Variants in PAPLN observed in about 807,000 individuals in gnomAD.
PAPLN encodes papilin.
PAPLN carries 146 observed loss-of-function variants against 159.0 expected under a neutral mutation model. That is an observed-to-expected ratio of 0.92 (90% CI 0.80 to 1.05). The LOEUF (loss-of-function observed/expected upper bound fraction) is 1.05. Ranked by LOEUF, PAPLN falls within the 50% of genes least tolerant of loss-of-function variation. The pLI is 0.00. For synonymous variants in PAPLN, 734 were observed against 702.9 expected (o/e 1.04, Z -0.70); for missense variants, 1,720 against 1,743.9 (o/e 0.99, Z 0.24).
chr14:73,262,416 A>G lies in PAPLN; in HGVS notation c.2312A>G (p.Tyr771Cys), dbSNP rs560630838. Reference protein sequence around the residue: ...GSCADWAARWYFVASVGQCNR... With the variant: ...GSCADWAARWCFVASVGQCNR... ...TGCGCAGACTGGGCTGCCCGCTGGT[A>G]CTTCGTTGCCTCTGTGGGCCAATGT... Residue 771 changes from tyrosine to cysteine, a missense_variant, in exon 19 of 27, where the codon TAC (tyrosine) becomes TGC (cysteine). Physicochemically the swap from Tyr to Cys is radical, Grantham distance 194. Transcript: ENST00000644200. 1.2e-6 allele frequency: 2 copies of G among 1,613,958 alleles called. No homozygotes were observed. The highest frequency in any genetic ancestry group is 2.2e-5 in the South Asian group (2 of 91,088).
intron 2 of PAPLN, 74 bp downstream of exon 2, chr14:73,239,906 G>T: frequency 6.8e-7 from 1 of 1,480,620 alleles, no homozygotes; most frequent in Non-Finnish European, 8.9e-7. Context: ...GGGCCCGCAG[G>T]CAACGTCCCC....
intron 5 of PAPLN, among the ~76,000 whole-genome samples, chr14:73,249,318 AATC>A (rs1474935987): frequency 6.6e-6 from 1 of 152,236 alleles, no homozygotes; most frequent in Non-Finnish European, 1.5e-5. Context: ...TAGTCTTCAC[AATC>A]ATCATTTGTA....
At chr14:73,271,279 T>A (rs571715294) in intron 26 of PAPLN, among the ~76,000 whole-genome samples, 1 of 152,230 alleles carries the variant, frequency 6.6e-6, no homozygotes, top group Admixed American at 6.5e-5. Flanking sequence ...CTATATAAAT[T>A]TAGGTAGGTA....
At chr14:73,238,328 G>C (rs1293065281) in intron 1 of PAPLN, among the ~76,000 whole-genome samples, 1 of 152,238 alleles carries the variant, frequency 6.6e-6, no homozygotes, top group East Asian at 1.9e-4. Context: ...GGGGCCACCC[G>C]GTCCCTGCCC....
rs1189674230 is a variant in PAPLN, at chr14:73,274,469, A to G, written c.*1805A>G. 1 of 152,254 alleles carries G rather than the reference A, an allele frequency of 6.6e-6. No homozygotes were observed. 9.4% of individuals were successfully genotyped at this position (152,254 alleles called of 1,614,324 possible). On this transcript the variant is annotated 3_prime_UTR_variant, in exon 27 of 27. Transcript: ENST00000644200. ...ACAAACCACATCACGGGTGAGTGAT[A>G]CTTCTCAGTCTTCTCTACTCATTCA...
intron 2 of PAPLN, among the ~76,000 whole-genome samples, chr14:73,241,510 G>A (rs534493292): frequency 3.9e-5 from 6 of 152,346 alleles, no homozygotes; most frequent in East Asian, 1.9e-4. Context: ...TTTCCAAAGC[G>A]CCCTTGGTTC....
At chr14:73,248,073 C>CTGTGTGTG (rs1491238488) in intron 5 of PAPLN, among the ~76,000 whole-genome samples, 2 of 50,984 alleles carry the variant, frequency 3.9e-5, no homozygotes, top group African/African-American at 3.4e-4. Flanking sequence ...GTCTCATATC[C>CTGTGTGTG]TCTGTGTGTG....
intron 11 of PAPLN, 84 bp from the exon 12 acceptor site, chr14:73,253,670 T>G: frequency 7.5e-7 from 1 of 1,329,674 alleles, no homozygotes; most frequent in Non-Finnish European, 1.0e-6. Context: ...TCAGGCCACC[T>G]GTGTGAGTGA....
chr14:73,241,472 G>A (rs956678705), intron 2 of PAPLN, among the ~76,000 whole-genome samples: 1 of 152,242 alleles, frequency 6.6e-6, no homozygotes, highest in Non-Finnish European at 1.5e-5. Context: ...CACCCCAGAG[G>A]TTGTCATGCA....
chr14:73,255,042 A>C, intron 14 of PAPLN, 24 bp downstream of exon 14: 1 of 1,601,992 alleles, frequency 6.2e-7, no homozygotes, highest in Non-Finnish European at 8.5e-7. Flanking sequence ...GGCAGGGAGG[A>C]GTCCGGCCTC....
At position 73,244,949 on chromosome 14, in the gene PAPLN, C is replaced by G. The variant is rs950464289; in HGVS notation, c.170+190C>G. The G allele has an allele frequency of 8.3e-5, 43 of 519,466 alleles. No homozygotes were observed. In the East Asian group the frequency reaches 1.1e-3, roughly 13 times the overall value. The allele number at this position is 519,466 out of a possible 1,614,324, so 32.2% of individuals were successfully genotyped here. A position where few individuals can be genotyped will look rare whatever the true frequency, so the allele number is the denominator to read the frequency against. ...TCAAACCATTTCCCAGGGCCTTCCA[C>G]TCTGAGCTGGAGCACGCGTGCTGCC... On this transcript the variant is annotated intron_variant, in intron 3 of 26. Transcript: ENST00000644200.
At chr14:73,260,870 C>A (rs752975924) in intron 17 of PAPLN, 41 bp downstream of exon 17, 1 of 1,493,992 alleles carries the variant, frequency 6.7e-7, no homozygotes, top group Non-Finnish European at 8.9e-7. Context: ...GGGGCCAGCC[C>A]GTGAGCCTGC....
At chr14:73,260,493 T>C (rs1235695217) in intron 16 of PAPLN, among the ~76,000 whole-genome samples, 5 of 152,130 alleles carry the variant, frequency 3.3e-5, no homozygotes, top group African/African-American at 9.7e-5. Flanking sequence ...TTTATTGTGT[T>C]ACGGCTGCCC....
Position 73,266,444 on chromosome 14 carries a change from C to T in PAPLN, c.3264-57C>T. On this transcript the variant is annotated intron_variant, in intron 23 of 26. Transcript: ENST00000644200. ...CTGACCCCATGCTCGAGGGACGGAGCTGGAGGAGAGGGGAGGCTCCTTGGG... is the reference window on the plus strand; with the variant it reads ...CTGACCCCATGCTCGAGGGACGGAGTTGGAGGAGAGGGGAGGCTCCTTGGG... The T allele has an allele frequency of 2.5e-6, 4 of 1,597,642 alleles. 1 individual carries two copies. In the Middle Eastern group the frequency reaches 7.2e-4, roughly 289 times the overall value.
chr14:73,263,503 T>G, intron 19 of PAPLN, 142 bp from the exon 20 acceptor site: 1 of 1,046,562 alleles, frequency 9.6e-7, no homozygotes, highest in East Asian at 2.4e-5. Context: ...TCTGGGGCTC[T>G]GCCTCCCATA....
chr14:73,236,847 GT>G, upstream of PAPLN, among the ~76,000 whole-genome samples: 1 of 138,876 alleles, frequency 7.2e-6, no homozygotes, highest in African/African-American at 2.8e-5. Context: ...AGGGAGGAAA[GT>G]AGAAAGAAAG....
chr14:73,270,203 CG>C (rs890514581), intron 26 of PAPLN, among the ~76,000 whole-genome samples: 2 of 152,240 alleles, frequency 1.3e-5, no homozygotes, highest in Non-Finnish European at 2.9e-5. Flanking sequence ...CCCACTTGGC[CG>C]GGCAGGCTGC....
Position 73,264,596 on chromosome 14 carries a change from A to G in PAPLN, c.2995A>G (p.Met999Val). Residue 999 changes from methionine (M) to valine (V), a missense_variant, in exon 22 of 27, where the codon ATG (methionine) becomes GTG (valine). Physicochemically the swap from Met to Val is conservative, Grantham distance 21. Transcript: ENST00000644200. ...KIQLRIIGGD[M>V]AVLSEAELSR... is the part of the protein sequence containing the mutation. Reference sequence around the variant, plus strand: ...TCCTGGCCTCATGACAGGGGGTGACATGGCCGTGCTGTCTGAGGCTGAGCT... The same window carrying G: ...TCCTGGCCTCATGACAGGGGGTGACGTGGCCGTGCTGTCTGAGGCTGAGCT... 1 of 1,597,914 alleles carries G rather than the reference A, an allele frequency of 6.3e-7. No individual in the cohort carries two copies. Among genetic ancestry groups the G allele is most frequent in the African/African-American group, 1.4e-5 (1 of 73,852 alleles).
chr14:73,261,637 A>G (rs1486546434), intron 18 of PAPLN, among the ~76,000 whole-genome samples: 1 of 152,058 alleles, frequency 6.6e-6, no homozygotes, highest in Non-Finnish European at 1.5e-5. Context: ...GGGTGCCCTG[A>G]CCCTGCCTGG....
Sources: gnomAD v4.1 joint callset for allele counts (sites outside exome capture counted in the v4.1 genomes callset) on GRCh38, gnomAD v4.1.1 for gene constraint, MANE v1.5 for transcripts, NCBI Gene and HGNC (gene_info 2026-07-23, HGNC 2026-07-21) for gene names.